Variants in CES1 observed in about 807,000 individuals in gnomAD.
CES1 encodes carboxylesterase 1.
CES1 carries 50 observed loss-of-function variants against 53.0 expected under a neutral mutation model. The observed-to-expected ratio is 0.94, with a 90% CI of 0.75 to 1.19. The LOEUF is 1.19. Ranked by LOEUF, CES1 falls within the 50% of genes most tolerant of loss-of-function variation. The pLI is 0.00. For missense variants in CES1, 534 were observed against 538.0 expected, an observed-to-expected ratio of 0.99 and a Z score of 0.07; for synonymous variants, 202 against 210.1, an observed-to-expected ratio of 0.96 and a Z score of 0.33.
Position 55,832,674 on chromosome 16 carries a change from C to A in CES1, c.52+330G>T, listed in dbSNP as rs116820974. ...GCTCTTAATATTATGTTGAGCCGCTCTCCGTGATCCAGCCGTAAGGGGACT... is the reference window on the plus strand; with the variant it reads ...GCTCTTAATATTATGTTGAGCCGCTATCCGTGATCCAGCCGTAAGGGGACT... On this transcript the variant is annotated intron_variant, in intron 1 of 13. Coordinates refer to ENST00000360526, the MANE Select transcript of CES1 (RefSeq NM_001025195.2). 6.0e-3 allele frequency among the ~76,000 whole-genome samples: 920 copies of A among 152,280 alleles called. 9 individuals are homozygous for A. The highest frequency in any genetic ancestry group is 0.021 in the African/African-American group (867 of 41,558).
chr16:55,832,841 T>C (rs1423640340), intron 1 of CES1, among the ~76,000 whole-genome samples, 163 bp downstream of exon 1: 1 of 152,252 alleles, frequency 6.6e-6, no homozygotes, highest in African/African-American at 2.4e-5. Context: ...CGGGCCAGGC[T>C]GGCCGGGCTC....
intron 1 of CES1, among the ~76,000 whole-genome samples, chr16:55,831,319 T>C (rs529898744): frequency 6.6e-6 from 1 of 151,782 alleles, no homozygotes; most frequent in Non-Finnish European, 1.5e-5. Flanking sequence ...GAGAGTCAAG[T>C]CAGAGAAGAA....
intron 11 of CES1, among the ~76,000 whole-genome samples, chr16:55,809,572 A>T (rs1289919883): frequency 6.6e-5 from 10 of 152,156 alleles, no homozygotes; most frequent in African/African-American, 2.4e-4. Flanking sequence ...CCCCACCCAC[A>T]CAGCCTTGGG....
intron 8 of CES1, 75 bp downstream of exon 8, chr16:55,816,849 C>T (rs1351474634): frequency 6.7e-7 from 1 of 1,494,578 alleles, no homozygotes; most frequent in Non-Finnish European, 9.3e-7. Context: ...AGAGATGATT[C>T]TTTCACTCAC....
chr16:55,831,566 A>T (rs557682946), intron 1 of CES1, among the ~76,000 whole-genome samples: 1 of 150,736 alleles, frequency 6.6e-6, no homozygotes, highest in East Asian at 1.9e-4. Context: ...CTGGGTAGGC[A>T]TCAACATGCC....
intron 7 of CES1, among the ~76,000 whole-genome samples, chr16:55,818,727 C>T (rs546031077): frequency 0.012 from 1,790 of 151,924 alleles, 29 homozygotes; most frequent in African/African-American, 0.041. Flanking sequence ...ACACCCACCC[C>T]TACATATTTA....
Position 55,828,507 on chromosome 16 carries a change from C to T in CES1, c.260+260G>A, listed in dbSNP as rs116186325. 9.3e-3 allele frequency among the ~76,000 whole-genome samples: 1,417 copies of T among 152,220 alleles called. 27 individuals are homozygous for T. Among genetic ancestry groups the T allele is most frequent in the African/African-American group, 0.031 (1,300 of 41,474 alleles). ...ATCTGTCTCCCCCTGCTAGAATGCA[C>T]GCTCCAGGAACCTAGGGATCTTTGC... On this transcript the variant is annotated intron_variant, in intron 2 of 13. Transcript: ENST00000360526.
chr16:55,809,599 C>G (rs1234319202), intron 11 of CES1, among the ~76,000 whole-genome samples: 5 of 152,192 alleles, frequency 3.3e-5, no homozygotes. Flanking sequence ...GTAGCAGGTC[C>G]TGCATAGACC....
At chr16:55,815,175 G>A (rs546809893) in intron 8 of CES1, among the ~76,000 whole-genome samples, 1 of 152,342 alleles carries the variant, frequency 6.6e-6, no homozygotes, top group South Asian at 2.1e-4. Context: ...TTGGAGAAAT[G>A]CTGTGGGGCA....
In CES1 at chr16:55,810,602, A is replaced by G; in HGVS notation, c.1233T>C (p.Thr411=). The change falls in exon 11 of 14, where the codon ACT becomes ACC. Residue 411 remains threonine (T), a synonymous_variant. Transcript: ENST00000360526. ...CCAGGAACAGGTCTTTCTTTTTGAC[A>G]GTGTCGTCTGTTCCTCCTAAGTATT... The part of the protein sequence containing the change: ...TEKYLGGTDD[T]VKKKDLFLDL... 6.2e-7 allele frequency: 1 copy of G among 1,614,136 alleles called. No individual in the cohort carries two copies. The highest frequency in any genetic ancestry group is 8.5e-7 in the Non-Finnish European group (1 of 1,179,984).
chr16:55,824,381 G>A (rs2032337578), intron 3 of CES1, among the ~76,000 whole-genome samples: 1 of 152,210 alleles, frequency 6.6e-6, no homozygotes, highest in African/African-American at 2.4e-5. Flanking sequence ...CACATAGTGG[G>A]GAAGAAGTGA....
chr16:55,810,226 A>G (rs1360024755), intron 11 of CES1, among the ~76,000 whole-genome samples: 2 of 151,830 alleles, frequency 1.3e-5, no homozygotes, highest in Non-Finnish European at 2.9e-5. Context: ...TCCCTTGACA[A>G]CGCATCTTGG....
chr16:55,819,403 T>A (rs546871291), intron 7 of CES1, 132 bp downstream of exon 7: 14 of 757,170 alleles, frequency 1.8e-5, no homozygotes, highest in South Asian at 1.2e-4. Context: ...AAAGGACAAA[T>A]CAGATTCCCC....
Position 55,812,919 on chromosome 16 carries a change from C to G in CES1, c.1070G>C (p.Gly357Ala). 3 of 1,614,138 alleles carry G rather than the reference C, an allele frequency of 1.9e-6. No homozygotes were observed. The highest frequency in any genetic ancestry group is 1.3e-5 in the African/African-American group (1 of 74,998). ...YMVGINKQEFGWLIPMQLMSY... is the reference protein window; with the variant it reads ...YMVGINKQEFAWLIPMQLMSY... Reference sequence around the variant, plus strand: ...CCTTCTCACCATTGGAATCAACCAGCCAAACTCCTGCTTGTTAATTCCGAC... The same window carrying G: ...CCTTCTCACCATTGGAATCAACCAGGCAAACTCCTGCTTGTTAATTCCGAC... Residue 357 changes from glycine to alanine, a missense_variant, in exon 9 of 14, where the codon GGC (glycine) becomes GCC (alanine). This residue lies in a region of CES1 where 269 missense variants were observed against 206.6 expected (regional missense o/e 1.30). Coordinates refer to ENST00000360526, the MANE Select transcript of CES1 (RefSeq NM_001025195.2).
At chr16:55,819,444 C>G (rs1410991214) in intron 7 of CES1, 91 bp downstream of exon 7, 1 of 949,362 alleles carries the variant, frequency 1.1e-6, no homozygotes, top group Non-Finnish European at 1.7e-6. Flanking sequence ...GAAATTGTCC[C>G]AGGAAACTGT....
At chr16:55,832,821 C>T (rs1183901784) in intron 1 of CES1, among the ~76,000 whole-genome samples, 183 bp downstream of exon 1, 6 of 152,222 alleles carry the variant, frequency 3.9e-5, no homozygotes, top group East Asian at 3.9e-4. Context: ...ACCCTCCCTG[C>T]GTCTCCGCGC....
In CES1 at chr16:55,819,490, G is replaced by A. The variant is rs752544872; in HGVS notation, c.906+45C>T. 7.0e-6 allele frequency: 10 copies of A among 1,422,504 alleles called. No individual in the cohort carries two copies. The Admixed American group carries it at 8.4e-5, about 12-fold the overall frequency. The allele number at this position is 1,422,504 out of a possible 1,614,324, so 88.1% of individuals were successfully genotyped here. A position where few individuals can be genotyped will look rare whatever the true frequency, so the allele number is the denominator to read the frequency against. ...GAGGACAGCTGAAATGAAGAAGTCT[G>A]GGACCAAGTTTACAGGGTTTGGGCT... On this transcript the variant is annotated intron_variant, in intron 7 of 13. Coordinates refer to ENST00000360526, the MANE Select transcript of CES1 (RefSeq NM_001025195.2).
rs1350952683 is a variant in CES1 at position 55,820,590 on chromosome 16, A to G, written c.694-111T>C. 2.6e-6 allele frequency: 4 copies of G among 1,559,324 alleles called. No homozygotes were observed. The African/African-American group carries it at 4.1e-5, about 16-fold the overall frequency. On this transcript the variant is annotated intron_variant, in intron 5 of 13. Coordinates refer to ENST00000360526, the MANE Select transcript of CES1 (RefSeq NM_001025195.2). ...CTATAAAACCAACACGGGACTGAGG[A>G]ATCCAGTAGTGGGCTGACCCTCTGC...
At chr16:55,826,095 A>G in intron 3 of CES1, 56 bp downstream of exon 3, 2 of 1,611,358 alleles carry the variant, frequency 1.2e-6, no homozygotes, top group East Asian at 2.2e-5. Context: ...ATTCTGCCCC[A>G]GAAGATGCGG....
Sources: gnomAD v4.1 joint callset for allele counts (sites outside exome capture counted in the v4.1 genomes callset) on GRCh38, gnomAD v4.1.1 for gene constraint, gnomAD v4.1.1 regional missense constraint, MANE v1.5 for transcripts, NCBI Gene and HGNC (gene_info 2026-07-23, HGNC 2026-07-21) for gene names.